Variants in GRIA1 observed in about 807,000 individuals in gnomAD.
The protein encoded by GRIA1 is glutamate ionotropic receptor AMPA type subunit 1, also known as glutamate receptor 1.
Under a neutral mutation model 99.2 loss-of-function variants are expected in GRIA1, and 31 were observed. The observed-to-expected ratio is 0.31, with a 90% confidence interval of 0.23 to 0.42. The LOEUF (loss-of-function observed/expected upper bound fraction) is 0.42, where lower values mean the gene tolerates loss of function less well. Ranked by LOEUF, GRIA1 falls within the 10% of genes least tolerant of loss-of-function variation. The probability of loss-of-function intolerance (pLI) is 1.00; values close to 1 mark genes in which losing one functional copy is unlikely to be tolerated. For missense variants in GRIA1, 782 were observed against 1,157.5 expected (o/e 0.68, Z 4.71); for synonymous variants, 438 against 432.4 (o/e 1.01, Z -0.16).
chr5:153,580,818 G>A (rs4958667), intron 2 of GRIA1, among the ~76,000 whole-genome samples: 72,570 of 151,966 alleles, frequency 0.48, 20,606 homozygotes, highest in East Asian at 0.79. Flanking sequence ...CTGCTGCTCA[G>A]GTTCCTGCTG....
At chr5:153,626,446 G>GTGTC (rs1767625137) in intron 2 of GRIA1, among the ~76,000 whole-genome samples, 2 of 49,058 alleles carry the variant, frequency 4.1e-5, no homozygotes, top group African/African-American at 2.6e-4. Context: ...GTGTGTGTCT[G>GTGTC]TGTGTGTGTG....
At chr5:153,620,700 A>G (rs1184413890) in intron 2 of GRIA1, among the ~76,000 whole-genome samples, 1 of 152,092 alleles carries the variant, frequency 6.6e-6, no homozygotes, top group Non-Finnish European at 1.5e-5. Context: ...TTTTTTTGGT[A>G]CCTATTTATA....
At chr5:153,511,327 T>G (rs1409072069) in intron 2 of GRIA1, among the ~76,000 whole-genome samples, 1 of 152,200 alleles carries the variant, frequency 6.6e-6, no homozygotes, top group Non-Finnish European at 1.5e-5. Context: ...GCAGTGCAGG[T>G]GCAGGTGCAG....
At chr5:153,592,692 G>T (rs1407786079) in intron 2 of GRIA1, among the ~76,000 whole-genome samples, 1 of 151,930 alleles carries the variant, frequency 6.6e-6, no homozygotes, top group Non-Finnish European at 1.5e-5. Context: ...TTTTACCTTT[G>T]TATCTCTTGT....
chr5:153,520,628 C>T (rs1175667215), intron 2 of GRIA1, among the ~76,000 whole-genome samples: 1 of 152,020 alleles, frequency 6.6e-6, no homozygotes, highest in African/African-American at 2.4e-5. Flanking sequence ...CAGAAGACTT[C>T]CTAGATCTAG....
intron 2 of GRIA1, among the ~76,000 whole-genome samples, chr5:153,595,965 T>C (rs143818721): frequency 1.1e-4 from 17 of 151,822 alleles, no homozygotes; most frequent in East Asian, 3.9e-4. Context: ...AGAGGTCACA[T>C]AGATGCATAA....
chr5:153,757,118 A>T (rs1006006652), intron 11 of GRIA1, among the ~76,000 whole-genome samples: 31 of 152,370 alleles, frequency 2.0e-4, no homozygotes, highest in African/African-American at 7.5e-4. Context: ...ACAACAAAAA[A>T]ATCTGGAACT....
chr5:153,688,773 G>T (rs2149499952), intron 8 of GRIA1, among the ~76,000 whole-genome samples: 2 of 152,028 alleles, frequency 1.3e-5, no homozygotes, highest in Middle Eastern at 3.4e-3. Context: ...AGACTGGAGT[G>T]CAATGGCATG....
intron 13 of GRIA1, among the ~76,000 whole-genome samples, chr5:153,788,154 C>T (rs1056729047): frequency 1.3e-5 from 2 of 151,976 alleles, no homozygotes; most frequent in African/African-American, 4.8e-5. Context: ...TCTTTTTAGT[C>T]TCTCTCATCT....
chr5:153,497,129 G>C (rs946490702), intron 2 of GRIA1, among the ~76,000 whole-genome samples: 2 of 152,146 alleles, frequency 1.3e-5, no homozygotes, highest in African/African-American at 4.8e-5. Flanking sequence ...TGCCTTCTTC[G>C]TGTTCAATCT....
At chr5:153,760,099 G>A (rs1763081922) in intron 11 of GRIA1, among the ~76,000 whole-genome samples, 1 of 151,864 alleles carries the variant, frequency 6.6e-6, no homozygotes, top group African/African-American at 2.4e-5. Flanking sequence ...TATTGAATAG[G>A]GAAAAGTTGA....
chr5:153,663,713 T>C (rs1256617304), intron 5 of GRIA1, among the ~76,000 whole-genome samples: 1 of 152,216 alleles, frequency 6.6e-6, no homozygotes, highest in Non-Finnish European at 1.5e-5. Flanking sequence ...CATAATGTTT[T>C]CAAAAGGAAA....
At chr5:153,489,918 G>A, upstream of GRIA1, 1 of 449,402 alleles carries the variant, frequency 2.2e-6, no homozygotes. Context: ...AAGAGAGAAG[G>A]GGGCCCATTT....
chr5:153,707,497 A>G (rs1758986840), intron 11 of GRIA1, among the ~76,000 whole-genome samples: 1 of 152,182 alleles, frequency 6.6e-6, no homozygotes, highest in Non-Finnish European at 1.5e-5. Context: ...CTTAATGTCT[A>G]TGAACTCTTT....
intron 11 of GRIA1, among the ~76,000 whole-genome samples, chr5:153,740,490 T>A (rs1215312976): frequency 6.6e-6 from 1 of 152,202 alleles, no homozygotes; most frequent in African/African-American, 2.4e-5. Flanking sequence ...GACAGTTGAG[T>A]CCAAGTTCTA....
intron 12 of GRIA1, among the ~76,000 whole-genome samples, chr5:153,767,579 A>G (rs1380432089): frequency 6.6e-6 from 1 of 152,156 alleles, no homozygotes; most frequent in Non-Finnish European, 1.5e-5. Context: ...TAATTATCCC[A>G]CCAGGAGTTT....
At chr5:153,523,545 T>TTGTAACAGTAACACTC (rs1398051448) in intron 2 of GRIA1, among the ~76,000 whole-genome samples, 1 of 152,116 alleles carries the variant, frequency 6.6e-6, no homozygotes, top group Non-Finnish European at 1.5e-5. Context: ...GTTGTTACTG[T>TTGTAACAGTAACACTC]TGTGGAAAGA....
intron 14 of GRIA1, among the ~76,000 whole-genome samples, chr5:153,797,163 T>G (rs895576385): frequency 5.3e-5 from 8 of 152,222 alleles, no homozygotes; most frequent in African/African-American, 1.7e-4. Context: ...CTAGAGACTT[T>G]GGGCTCCAGC....
At position 153,728,935 on chromosome 5, in the gene GRIA1, G is replaced by A. The variant is rs533252369; in HGVS notation, c.1823+22868G>A. The stretch of plus-strand genomic sequence containing the variant: ...TGCTGCTATAAAGACACATGCACAC[G>A]TATGTTTATTGCAGCACTATTCACA... On this transcript the variant is annotated intron_variant, in intron 11 of 15. Coordinates refer to ENST00000285900, the MANE Select transcript of GRIA1 (RefSeq NM_000827.4). 1.6e-4 allele frequency among the ~76,000 whole-genome samples: 20 copies of A among 127,484 alleles called. 1 individual carries two copies. The highest frequency in any genetic ancestry group is 3.3e-4 in the Admixed American group (4 of 12,078). 83.6% of individuals were successfully genotyped at this position (127,484 alleles called of 152,430 possible).
Sources: gnomAD v4.1 joint callset for allele counts (sites outside exome capture counted in the v4.1 genomes callset) on GRCh38, gnomAD v4.1.1 for gene constraint, MANE v1.5 for transcripts, NCBI Gene and HGNC (gene_info 2026-07-23, HGNC 2026-07-21) for gene names.